The following SAT1 variants were observed in gnomAD, a reference collection of about 807,000 sequenced individuals.
SAT1 encodes diamine acetyltransferase 1.
In SAT1, 1 loss-of-function variant was observed where a neutral mutation model predicts 14.7. The observed-to-expected ratio is 0.07, with a 90% CI of 0.02 to 0.32. The LOEUF is 0.32. SAT1 is among the 10% of genes least tolerant of loss of function. The pLI, the probability that SAT1 is intolerant of heterozygous loss-of-function variation, is 1.00. For missense variants in SAT1, 77 were observed against 129.1 expected, an observed-to-expected ratio of 0.60 and a Z score of 1.96; for synonymous variants, 67 against 46.1, an observed-to-expected ratio of 1.45 and a Z score of -1.84.
In SAT1 at chrX:23,783,893, C is replaced by G. The variant is rs1221649653; in HGVS notation, c.202+10C>G. 1 of 1,211,578 alleles carries G rather than the reference C, an allele frequency of 8.3e-7. No homozygotes were observed. The highest frequency in any genetic ancestry group is 2.3e-4 in the Middle Eastern group (1 of 4,355). ...CACTGGACTCCGGAAGGTAACCCCT[C>G]GCCCTTTCCAGAAGCCAGAGAGACC... On this transcript the variant is annotated intron_variant, in intron 3 of 5. Transcript: ENST00000379270.
rs1264289157 is a variant in SAT1, at chrX:23,786,067, CTT to C, written c.*213_*214del. ...GAGTCAGATCTTTCTCCTTGAATAT[CTT>C]TCGATAAACAACAAGGTGGTGTGAT... On this transcript the variant is annotated 3_prime_UTR_variant, in exon 6 of 6. Transcript: ENST00000379270. 2.9e-6 allele frequency: 1 copy of C among 341,263 alleles called. No homozygotes were observed. Among genetic ancestry groups the C allele is most frequent in the Non-Finnish European group, 5.1e-6 (1 of 196,468 alleles). 28.1% of individuals were successfully genotyped at this position (341,263 alleles called of 1,213,427 possible). A position where few individuals can be genotyped will look rare whatever the true frequency, so the allele number is the denominator to read the frequency against.
intron 3 of SAT1, chrX:23,784,417 A>G: frequency 1.9e-6 from 1 of 532,396 alleles, no homozygotes; most frequent in Non-Finnish European, 2.3e-6. Context: ...AGGTCCTATT[A>G]TCACACACTT....
In SAT1 at chrX:23,783,797, C is replaced by T. The variant is rs113025395; in HGVS notation, c.119-3C>T. On this transcript the variant is annotated splice_region_variant and splice_polypyrimidine_tract_variant and intron_variant, in intron 2 of 5. Transcript: ENST00000379270. ...TTACCGCCCCTGCTCCCCCTTCTTG[C>T]AGATCTGCTAGAAGATGGTTTTGGA... 2 of 1,210,191 alleles carry T rather than the reference C, an allele frequency of 1.7e-6. No homozygotes were observed. Among genetic ancestry groups the T allele is most frequent in the African/African-American group, 1.7e-5 (1 of 57,328 alleles).
chrX:23,785,659 A>G, intron 5 of SAT1, 27 bp from the exon 6 acceptor site: 1 of 1,200,382 alleles, frequency 8.3e-7, no homozygotes, highest in Non-Finnish European at 1.1e-6. Flanking sequence ...AATGTCACTG[A>G]GTGTGTGTTT....
At position 23,785,579 on chromosome X, in the gene SAT1, T is replaced by C. The variant is rs1922686927; in HGVS notation, c.345+19T>C. 3 of 1,198,273 alleles carry C rather than the reference T, an allele frequency of 2.5e-6. 1 individual carries two copies. The highest frequency in any genetic ancestry group is 4.6e-4 in the Middle Eastern group (2 of 4,342). On this transcript the variant is annotated intron_variant, in intron 5 of 5. Coordinates refer to ENST00000379270, the MANE Select transcript of SAT1 (RefSeq NM_002970.4). ...AAGCCAGGTATGTCTTAGTTTTTGGTTTCCAAATTTGTAAGTTTACTGGAT... is the reference window on the plus strand; with the variant it reads ...AAGCCAGGTATGTCTTAGTTTTTGGCTTCCAAATTTGTAAGTTTACTGGAT...
intron 3 of SAT1, 109 bp from the exon 4 acceptor site, chrX:23,785,219 A>AT (rs1204782316): frequency 1.6e-5 from 9 of 576,175 alleles, no homozygotes; most frequent in Non-Finnish European, 2.4e-5. Context: ...TGTTTCTGTA[A>AT]TACATGCATG....
At chrX:23,784,157 G>T in intron 3 of SAT1, 1 of 972,842 alleles carries the variant, frequency 1.0e-6, no homozygotes. Flanking sequence ...TAAGTGCTGT[G>T]GAGACCCGGA....
chrX:23,783,777 G>A lies in SAT1; in HGVS notation c.119-23G>A. 5 of 1,211,116 alleles carry A rather than the reference G, an allele frequency of 4.1e-6. No individual in the cohort carries two copies. In the Admixed American group the frequency reaches 6.5e-5, roughly 16 times the overall value. ...TGTCACCTTCGCCAAGGCCATTACC[G>A]CCCCTGCTCCCCCTTCTTGCAGATC... On this transcript the variant is annotated intron_variant, in intron 2 of 5. Transcript: ENST00000379270.
At position 23,783,620 on chromosome X, in the gene SAT1, G is replaced by A. The variant is rs374107682; in HGVS notation, c.67-38G>A. The A allele has an allele frequency of 8.2e-5, 65 of 797,148 alleles. No individual in the cohort carries two copies. The African/African-American group carries it at 1.4e-3, about 17-fold the overall frequency. 65.7% of individuals were successfully genotyped at this position (797,148 alleles called of 1,213,427 possible). The stretch of plus-strand genomic sequence containing the variant: ...GCTGGCCGGGCCGGAGCCTCATTTT[G>A]TTTTCTACTTTTTTCTCTCCTATGT... On this transcript the variant is annotated intron_variant, in intron 1 of 5. Coordinates refer to ENST00000379270, the MANE Select transcript of SAT1 (RefSeq NM_002970.4).
In SAT1 at chrX:23,786,078, C is replaced by T. The variant is rs1922709099; in HGVS notation, c.*222C>T. Reference sequence around the variant, plus strand: ...TTCTCCTTGAATATCTTTCGATAAACAACAAGGTGGTGTGATCTTAATATA... The same window carrying T: ...TTCTCCTTGAATATCTTTCGATAAATAACAAGGTGGTGTGATCTTAATATA... On this transcript the variant is annotated 3_prime_UTR_variant, in exon 6 of 6. Coordinates refer to ENST00000379270, the MANE Select transcript of SAT1 (RefSeq NM_002970.4). The T allele has an allele frequency of 6.1e-6, 2 of 328,834 alleles. No homozygotes were observed. The highest frequency in any genetic ancestry group is 2.7e-5 in the African/African-American group (1 of 37,282). The allele number at this position is 328,834 out of a possible 1,213,427, so 27.1% of individuals were successfully genotyped here. A position where few individuals can be genotyped will look rare whatever the true frequency, so the allele number is the denominator to read the frequency against.
In SAT1 at chrX:23,785,488, A is replaced by T. The variant is rs766741127; in HGVS notation, c.305-32A>T. 3.4e-6 allele frequency: 4 copies of T among 1,192,571 alleles called. No homozygotes were observed. The East Asian group carries it at 1.2e-4, about 35-fold the overall frequency. On this transcript the variant is annotated intron_variant, in intron 4 of 5. Transcript: ENST00000379270. ...GAGTTCAGAGTTATAAATGCTTACA[A>T]TGACTTTTTAAATTGTACTCTTTCT...
At chrX:23,783,524 C>G in intron 1 of SAT1, 107 bp downstream of exon 1, 2 of 944,621 alleles carry the variant, frequency 2.1e-6, no homozygotes, top group South Asian at 2.3e-5. Flanking sequence ...AGAGCCCAGC[C>G]TGTTCCCCTT....
Position 23,784,113 on chromosome X carries a change from A to C in SAT1, c.202+230A>C, listed in dbSNP as rs753134609. On this transcript the variant is annotated intron_variant, in intron 3 of 5. Transcript: ENST00000379270. ...TTAAGTAAGTATCAGAGTGCTGTGG[A>C]GACTCGGAAGTGTTTAAGCTGCTTA... 72 of 1,083,142 alleles carry C rather than the reference A, an allele frequency of 6.6e-5. No individual in the cohort carries two copies. In the African/African-American group the frequency reaches 1.2e-3, roughly 19 times the overall value. 89.3% of individuals were successfully genotyped at this position (1,083,142 alleles called of 1,213,427 possible). A position where few individuals can be genotyped will look rare whatever the true frequency, so the allele number is the denominator to read the frequency against.
Position 23,785,884 on chromosome X carries a change from A to C in SAT1, c.*28A>C. 1 of 1,118,677 alleles carries C rather than the reference A, an allele frequency of 8.9e-7. No individual in the cohort carries two copies. Among genetic ancestry groups the C allele is most frequent in the Non-Finnish European group, 1.2e-6 (1 of 837,460 alleles). The allele number at this position is 1,118,677 out of a possible 1,213,427, so 92.2% of individuals were successfully genotyped here. The stretch of plus-strand genomic sequence containing the variant: ...AGTGCTGCTGTAGATGACAACCTCC[A>C]TTCTATTTTAGAATAAATTCCCAAC... On this transcript the variant is annotated 3_prime_UTR_variant, in exon 6 of 6. Transcript: ENST00000379270.
rs747031398 is a variant in SAT1 at position 23,783,708 on chromosome X, A to C, written c.117A>C (p.Lys39Asn). 1 of 1,209,568 alleles carries C rather than the reference A, an allele frequency of 8.3e-7. No individual in the cohort carries two copies. The highest frequency in any genetic ancestry group is 1.1e-6 in the Non-Finnish European group (1 of 894,100). The change falls in exon 2 of 6, where the codon AAA becomes AAC. Residue 39 changes from lysine to asparagine, a missense_variant and splice_region_variant. Physicochemically the swap from Lys to Asn is moderately conservative, Grantham distance 94 (BLOSUM62 0). Coordinates refer to ENST00000379270, the MANE Select transcript of SAT1 (RefSeq NM_002970.4). Reference sequence around the variant, plus strand: ...AAGAACAAGTAATCTTAACTGAAAAAGGTAATTCAACAGTGGCGGGACGGG... The same window carrying C: ...AAGAACAAGTAATCTTAACTGAAAACGGTAATTCAACAGTGGCGGGACGGG... Reference protein sequence around the residue: ...YMEEQVILTEKDLLEDGFGEH... With the variant: ...YMEEQVILTENDLLEDGFGEH...
At chrX:23,783,911 G>A in intron 3 of SAT1, 28 bp downstream of exon 3, 1 of 1,211,752 alleles carries the variant, frequency 8.3e-7, no homozygotes, top group Non-Finnish European at 1.1e-6. Flanking sequence ...CCAGAAGCCA[G>A]AGAGACCAAG....
At chrX:23,783,579 C>CCAAAACA in intron 1 of SAT1, 79 bp from the exon 2 acceptor site, 11 of 770,240 alleles carry the variant, frequency 1.4e-5, no homozygotes, top group Non-Finnish European at 1.9e-5. Flanking sequence ...CCGCCCGCCC[C>CCAAAACA]ATTCCGTTCC....
intron 2 of SAT1, 41 bp downstream of exon 2, chrX:23,783,750 C>T: frequency 8.3e-7 from 1 of 1,209,373 alleles, no homozygotes; most frequent in South Asian, 1.8e-5. Context: ...GCGTTCGGTG[C>T]CTGTCACCTT....
At position 23,785,977 on chromosome X, in the gene SAT1, C is replaced by A; in HGVS notation, c.*121C>A. ...AGCACCCATTCCAAAGCTTTATTAC[C>A]AGTGGCGTTGTTGCATGTTTGAAAT... On this transcript the variant is annotated 3_prime_UTR_variant, in exon 6 of 6. Coordinates refer to ENST00000379270, the MANE Select transcript of SAT1 (RefSeq NM_002970.4). 1 of 597,118 alleles carries A rather than the reference C, an allele frequency of 1.7e-6. No homozygotes were observed. The highest frequency in any genetic ancestry group is 2.5e-6 in the Non-Finnish European group (1 of 406,104). The allele number at this position is 597,118 out of a possible 1,213,427, so 49.2% of individuals were successfully genotyped here.
Sources: allele counts gnomAD v4.1 joint callset, GRCh38; gene constraint gnomAD v4.1.1; transcripts MANE v1.5; gene names NCBI Gene and HGNC (gene_info 2026-07-23, HGNC 2026-07-21).